Variants in GARNL3 observed in about 807,000 individuals in gnomAD.
GARNL3 encodes the protein GTPase-activating Rap/Ran-GAP domain-like protein 3.
A neutral mutation model predicts 125.0 loss-of-function variants in GARNL3; 63 were observed. That is an observed-to-expected ratio of 0.50 (90% CI 0.41 to 0.62). GARNL3 has a LOEUF of 0.62. Ranked by LOEUF, GARNL3 falls within the 20% of genes least tolerant of loss-of-function variation. The pLI, the probability that GARNL3 is intolerant of heterozygous loss-of-function variation, is 0.00. For missense variants in GARNL3, 994 were observed against 1,244.0 expected (o/e 0.80, Z 3.02); for synonymous variants, 439 against 457.5 (o/e 0.96, Z 0.52).
intron 12 of GARNL3, 42 bp downstream of exon 12, chr9:127,338,203 T>A: frequency 7.0e-7 from 1 of 1,420,012 alleles, no homozygotes; most frequent in East Asian, 2.3e-5. Context: ...CTAATTCTCA[T>A]GCTTGTTAAT....
At chr9:127,225,620 G>T (rs1377557285) in intron 1 of GARNL3, among the ~76,000 whole-genome samples, 1 of 151,762 alleles carries the variant, frequency 6.6e-6, no homozygotes, top group Non-Finnish European at 1.5e-5. Flanking sequence ...GTCCAGAAGC[G>T]TCGGTCCAGT....
chr9:127,285,525 C>T (rs2064225582), intron 1 of GARNL3, among the ~76,000 whole-genome samples: 1 of 152,114 alleles, frequency 6.6e-6, no homozygotes, highest in African/African-American at 2.4e-5. Flanking sequence ...TCTATTAAAT[C>T]ATGTTTATTA....
At chr9:127,337,813 T>G (rs1829636723) in intron 11 of GARNL3, among the ~76,000 whole-genome samples, 1 of 152,260 alleles carries the variant, frequency 6.6e-6, no homozygotes, top group Non-Finnish European at 1.5e-5. Flanking sequence ...CTCTTTTTGC[T>G]TTGCTGACTG....
chr9:127,246,093 G>A (rs894707304), intron 2 of GARNL3, among the ~76,000 whole-genome samples: 1 of 152,180 alleles, frequency 6.6e-6, no homozygotes, highest in Non-Finnish European at 1.5e-5. Flanking sequence ...TTAGGGAGTG[G>A]TGGGCAATGA....
chr9:127,313,545 C>G lies in GARNL3; in HGVS notation c.424C>G (p.Leu142Val), dbSNP rs1175275617. 1 of 1,612,690 alleles carries G rather than the reference C, an allele frequency of 6.2e-7. No individual in the cohort carries two copies. The highest frequency in any genetic ancestry group is 1.1e-5 in the South Asian group (1 of 91,062). Reference sequence around the variant, plus strand: ...ACGTGTCCCTCAATACCGTGCAATTCTTTGGAGAAAAACAGTAAGTATATG... The same window carrying G: ...ACGTGTCCCTCAATACCGTGCAATTGTTTGGAGAAAAACAGTAAGTATATG... ...NQRVPQYRAI[L>V]WRKTGTQKIC... is the part of the protein sequence containing the mutation. Residue 142 changes from leucine to valine, a missense_variant, in exon 4 of 28, where the codon CTT (leucine) becomes GTT (valine). Physicochemically the swap from Leu to Val is conservative, Grantham distance 32 (BLOSUM62 1). This residue lies in a region of GARNL3 where 139 missense variants were observed against 231.6 expected (regional missense o/e 0.60). Transcript: ENST00000373387.
chr9:127,291,110 C>G, intron 1 of GARNL3, 58 bp from the exon 2 acceptor site: 17 of 1,538,532 alleles, frequency 1.1e-5, no homozygotes, highest in Non-Finnish European at 1.4e-5. Flanking sequence ...AGGATAATTA[C>G]ATACAGATAG....
At chr9:127,264,282 T>G (rs1021123216), upstream of GARNL3, 2 of 264,600 alleles carry the variant, frequency 7.6e-6, no homozygotes, top group Non-Finnish European at 1.4e-5. Context: ...TTTTAATTAC[T>G]CTTCAACAAC....
rs137928468 is a variant in GARNL3 at position 127,316,429 on chromosome 9, A to G, written c.439-1634A>G. Among the ~76,000 whole-genome samples the G allele has an allele frequency of 4.9e-4, 74 of 152,284 alleles. 1 individual carries two copies. Among genetic ancestry groups the G allele is most frequent in the African/African-American group, 1.8e-3 (73 of 41,562 alleles). ...CCTTTGGAGTGTTGGGTAAGAAGAA[A>G]AGGTAGTCAAGGTAGGATCTAAGCT... On this transcript the variant is annotated intron_variant, in intron 4 of 27. Coordinates refer to ENST00000373387, the MANE Select transcript of GARNL3 (RefSeq NM_032293.5).
chr9:127,347,910 C>G (rs1189943776), intron 16 of GARNL3, among the ~76,000 whole-genome samples: 1 of 152,106 alleles, frequency 6.6e-6, no homozygotes, highest in Non-Finnish European at 1.5e-5. Context: ...AGCATCCTTT[C>G]CTTTTCTAAG....
At chr9:127,310,656 C>T (rs2131460753) in intron 2 of GARNL3, among the ~76,000 whole-genome samples, 1 of 152,068 alleles carries the variant, frequency 6.6e-6, no homozygotes, top group Non-Finnish European at 1.5e-5. Context: ...TGCCTGTGAT[C>T]CCTGCTACTC....
intron 9 of GARNL3, 60 bp downstream of exon 9, chr9:127,333,181 A>C: frequency 7.3e-7 from 1 of 1,368,946 alleles, no homozygotes; most frequent in Non-Finnish European, 1.0e-6. Context: ...AGTCAGCCTG[A>C]CCCGTGTCTG....
At chr9:127,262,998 A>G (rs537153264), upstream of GARNL3, among the ~76,000 whole-genome samples, 2 of 152,346 alleles carry the variant, frequency 1.3e-5, no homozygotes, top group African/African-American at 4.8e-5. Flanking sequence ...AATGCAGCCC[A>G]TATAGGTCAG....
At chr9:127,233,781 G>A (rs2063062784) in intron 1 of GARNL3, among the ~76,000 whole-genome samples, 1 of 152,190 alleles carries the variant, frequency 6.6e-6, no homozygotes, top group Non-Finnish European at 1.5e-5. Context: ...ATGCTTTCTT[G>A]TTCCTGAATG....
chr9:127,339,819 C>T, intron 13 of GARNL3, 68 bp downstream of exon 13: 1 of 962,424 alleles, frequency 1.0e-6, no homozygotes, highest in Non-Finnish European at 1.7e-6. Flanking sequence ...CAGATTCTCC[C>T]AGAATGCTGT....
In GARNL3 at chr9:127,329,955, C is replaced by T. The variant is rs950410051; in HGVS notation, c.595-2319C>T. On this transcript the variant is annotated intron_variant, in intron 7 of 27. Transcript: ENST00000373387. ...CTTGCTAGCTGTCAGCTCAGCTGGA[C>T]CTGATCCTGGGCCTCCTGACAGCCT... 1.9e-4 allele frequency among the ~76,000 whole-genome samples: 29 copies of T among 152,288 alleles called. 1 individual carries two copies. The South Asian group carries it at 3.1e-3, about 16-fold the overall frequency.
At chr9:127,275,801 T>C (rs1354193111) in intron 1 of GARNL3, among the ~76,000 whole-genome samples, 2 of 152,230 alleles carry the variant, frequency 1.3e-5, no homozygotes, top group African/African-American at 2.4e-5. Context: ...GCAGTTACTT[T>C]GGGTTCTTTT....
intron 22 of GARNL3, among the ~76,000 whole-genome samples, chr9:127,370,306 T>C (rs1234932934): frequency 6.6e-6 from 1 of 152,074 alleles, no homozygotes; most frequent in Non-Finnish European, 1.5e-5. Flanking sequence ...TACACCTCTC[T>C]CTCCCACGGA....
intron 1 of GARNL3, among the ~76,000 whole-genome samples, chr9:127,229,183 A>T (rs2062961813): frequency 6.6e-6 from 1 of 152,184 alleles, no homozygotes; most frequent in Non-Finnish European, 1.5e-5. Context: ...GTTCATCTAT[A>T]CCTTCTCCCC....
rs35410163 is a variant in GARNL3 at position 127,246,931 on chromosome 9, C to CTTTTT, written c.143+3699_143+3703dup. ...CTTGAGAAAGGAGTTGACCTTCCTTCTTTTTTTTTTTTTTTTTTTTTGCGT... is the reference window on the plus strand; with the variant it reads ...CTTGAGAAAGGAGTTGACCTTCCTTCTTTTTTTTTTTTTTTTTTTTTTTTTTGCGT... On this transcript the variant is annotated intron_variant, in intron 2 of 10. Transcript: ENST00000439286. 4.1e-3 allele frequency among the ~76,000 whole-genome samples: 407 copies of CTTTTT among 98,604 alleles called. 3 individuals carry two copies. Among genetic ancestry groups the CTTTTT allele is most frequent in the Middle Eastern group, 6.4e-3 (1 of 156 alleles). 64.7% of individuals were successfully genotyped at this position (98,604 alleles called of 152,430 possible).
Sources: gnomAD v4.1 joint callset for allele counts (sites outside exome capture counted in the v4.1 genomes callset) on GRCh38, gnomAD v4.1.1 for gene constraint, gnomAD v4.1.1 regional missense constraint, MANE v1.5 for transcripts, NCBI Gene and HGNC (gene_info 2026-07-23, HGNC 2026-07-21) for gene names.